The following BPIFB1 variants were observed in gnomAD, a reference collection of about 807,000 sequenced individuals.
BPIFB1 encodes BPI fold-containing family B member 1.
In BPIFB1, 34 loss-of-function variants were observed where a neutral mutation model predicts 55.1. The ratio of observed to expected loss-of-function variants is 0.62; its 90% CI spans 0.47 to 0.82. BPIFB1 has a LOEUF of 0.82. Among genes scored for constraint, BPIFB1 ranks in the 40% least tolerant of loss-of-function variants. The pLI, the probability that BPIFB1 is intolerant of heterozygous loss-of-function variation, is 0.00. For synonymous variants in BPIFB1, 236 were observed against 245.3 expected (o/e 0.96, Z 0.35); for missense variants, 532 against 593.1 (o/e 0.90, Z 1.07).
At chr20:33,305,444 A>G (rs1305435699) in intron 13 of BPIFB1, among the ~76,000 whole-genome samples, 2 of 150,120 alleles carry the variant, frequency 1.3e-5, no homozygotes, top group Non-Finnish European at 2.9e-5. Flanking sequence ...CAGCCTCCTG[A>G]GTAGCTGGGA....
intron 2 of BPIFB1, among the ~76,000 whole-genome samples, chr20:33,288,466 G>A (rs1055509075): frequency 6.6e-6 from 1 of 152,148 alleles, no homozygotes; most frequent in Non-Finnish European, 1.5e-5. Flanking sequence ...TGCAGTGGCC[G>A]ACACTCCCCA....
At chr20:33,300,048 G>A (rs928878058) in intron 8 of BPIFB1, 64 bp downstream of exon 8, 2 of 1,416,034 alleles carry the variant, frequency 1.4e-6, no homozygotes, top group Non-Finnish European at 2.0e-6. Context: ...ACCACCAGGA[G>A]TCAGATAGCA....
Position 33,288,799 on chromosome 20 carries a change from G to T in BPIFB1, c.174G>T (p.Leu58=). ...CCAGCATCCTGCAGCAGCTGCCGCT[G>T]CTCAGTGCCATGCGGGAAAAGCCAG... The part of the protein sequence containing the change: ...NATSILQQLP[L]LSAMREKPAG... The change falls in exon 3 of 16, where the codon CTG becomes CTT. Residue 58 remains leucine (L), a synonymous_variant. Coordinates refer to ENST00000253354, the MANE Select transcript of BPIFB1 (RefSeq NM_033197.3). The T allele has an allele frequency of 6.2e-7, 1 of 1,614,000 alleles. No individual in the cohort carries two copies. The highest frequency in any genetic ancestry group is 1.1e-5 in the South Asian group (1 of 91,080).
At chr20:33,286,436 G>T (rs1292673610) in intron 2 of BPIFB1, among the ~76,000 whole-genome samples, 2 of 152,220 alleles carry the variant, frequency 1.3e-5, no homozygotes, top group African/African-American at 2.4e-5. Flanking sequence ...TGCAGAAGGG[G>T]CATGCAGCCA....
intron 8 of BPIFB1, among the ~76,000 whole-genome samples, 179 bp downstream of exon 8, chr20:33,300,163 G>GT (rs1411020459): frequency 6.6e-6 from 1 of 152,102 alleles, no homozygotes; most frequent in Non-Finnish European, 1.5e-5. Flanking sequence ...GTTTTGTTTT[G>GT]TTTTTTTGAG....
Position 33,301,310 on chromosome 20 carries a change from G to A in BPIFB1, c.825G>A (p.Leu275=). 2 of 1,614,200 alleles carry A rather than the reference G, an allele frequency of 1.2e-6. No homozygotes were observed. Among genetic ancestry groups the A allele is most frequent in the Non-Finnish European group, 1.7e-6 (2 of 1,180,034 alleles). Residue 275 remains leucine (L), a synonymous_variant, in exon 9 of 16, where the codon CTG becomes CTA. Transcript: ENST00000253354. The stretch of plus-strand genomic sequence containing the variant: ...CAGCTTCCCTGACAATGCCCACCCT[G>A]GACAACATCCCGTTCAGCCTCATCG... ...NSAASLTMPT[L]DNIPFSLIVS...
Position 33,288,736 on chromosome 20 carries a change from T to G in BPIFB1, c.116-5T>G, listed in dbSNP as rs776871760. On this transcript the variant is annotated splice_polypyrimidine_tract_variant and splice_region_variant and intron_variant, in intron 2 of 15. Coordinates refer to ENST00000253354, the MANE Select transcript of BPIFB1 (RefSeq NM_033197.3). ...TGGGCCCTAATCCCTGGGGTCTGCCTCCAGAGCTGACACAGGAGCTGAAGG... is the reference window on the plus strand; with the variant it reads ...TGGGCCCTAATCCCTGGGGTCTGCCGCCAGAGCTGACACAGGAGCTGAAGG... 3.7e-6 allele frequency: 6 copies of G among 1,613,150 alleles called. No individual in the cohort carries two copies. In the African/African-American group the frequency reaches 6.7e-5, roughly 18 times the overall value.
At chr20:33,289,100 G>T (rs1980366115) in intron 3 of BPIFB1, among the ~76,000 whole-genome samples, 1 of 152,184 alleles carries the variant, frequency 6.6e-6, no homozygotes, top group African/African-American at 2.4e-5. Flanking sequence ...CCAGAGCAAG[G>T]CCAGGGACGG....
chr20:33,290,092 C>T (rs1884885), intron 4 of BPIFB1, 100 bp downstream of exon 4: 153,380 of 921,234 alleles, frequency 0.17, 14,962 homozygotes, highest in Admixed American at 0.34. Context: ...AAGAGAGTTC[C>T]GAGCAGAGAG....
chr20:33,297,981 C>G (rs1192896014), intron 7 of BPIFB1, among the ~76,000 whole-genome samples: 1 of 152,128 alleles, frequency 6.6e-6, no homozygotes, highest in Non-Finnish European at 1.5e-5. Context: ...AAGTTCTGGG[C>G]ACATAGCAGG....
chr20:33,295,680 G>GAA lies in BPIFB1; in HGVS notation c.598-1844_598-1843insAA, dbSNP rs1319391594. Among the ~76,000 whole-genome samples, 447 of 147,108 alleles carry GAA rather than the reference G, an allele frequency of 3.0e-3. 6 individuals are homozygous for GAA. The highest frequency in any genetic ancestry group is 0.01 in the Middle Eastern group (3 of 288). On this transcript the variant is annotated intron_variant, in intron 6 of 15. Coordinates refer to ENST00000253354, the MANE Select transcript of BPIFB1 (RefSeq NM_033197.3). The stretch of plus-strand genomic sequence containing the variant: ...AGAAAGAGAGAAAGAAAGAAAGAAA[G>GAA]AGAGAAAAAAAGGGAGAAAAGGAAG...
At chr20:33,287,725 C>A (rs1024651274) in intron 2 of BPIFB1, among the ~76,000 whole-genome samples, 1 of 152,134 alleles carries the variant, frequency 6.6e-6, no homozygotes, top group African/African-American at 2.4e-5. Flanking sequence ...TGGGAAGCTG[C>A]CCCTGGAGGA....
intron 14 of BPIFB1, 86 bp from the exon 15 acceptor site, chr20:33,306,825 G>T (rs1981043216): frequency 8.9e-7 from 1 of 1,128,986 alleles, no homozygotes; most frequent in East Asian, 2.3e-5. Context: ...CCAGGCCGGG[G>T]CTCCCCTTCA....
chr20:33,301,738 A>AC (rs1437439198), intron 9 of BPIFB1, among the ~76,000 whole-genome samples: 5 of 152,328 alleles, frequency 3.3e-5, no homozygotes, highest in Admixed American at 6.5e-5. Context: ...TAGTCCAGGG[A>AC]TGGCGACTGT....
chr20:33,308,097 AT>A (rs1449620570), intron 15 of BPIFB1: 1 of 152,206 alleles, frequency 6.6e-6, no homozygotes, highest in Non-Finnish European at 1.5e-5. Flanking sequence ...AAGACTGCAC[AT>A]CACATGGCCC....
chr20:33,302,719 C>T (rs1238850936), intron 10 of BPIFB1, 197 bp from the exon 11 acceptor site: 5 of 667,028 alleles, frequency 7.5e-6, no homozygotes, highest in Non-Finnish European at 1.3e-5. Context: ...GCATTCCAGA[C>T]AGAGGGAACA....
intron 15 of BPIFB1, among the ~76,000 whole-genome samples, chr20:33,308,438 G>GCA (rs567038224): frequency 6.6e-6 from 1 of 150,938 alleles, no homozygotes; most frequent in East Asian, 1.9e-4. Flanking sequence ...ATGCATGCAT[G>GCA]CACACACACA....
At chr20:33,306,845 A>G in intron 14 of BPIFB1, 66 bp from the exon 15 acceptor site, 3 of 1,389,602 alleles carry the variant, frequency 2.2e-6, no homozygotes, top group Non-Finnish European at 3.1e-6. Flanking sequence ...AGGAACCCTG[A>G]GCCTGCCCCT....
chr20:33,292,303 G>A (rs1168704781), intron 6 of BPIFB1, among the ~76,000 whole-genome samples: 2 of 152,160 alleles, frequency 1.3e-5, no homozygotes, highest in African/African-American at 4.8e-5. Context: ...GATTTCCCTG[G>A]TGGAAATACT....
Sources: allele counts gnomAD v4.1 joint callset (sites outside exome capture counted in the v4.1 genomes callset), GRCh38; gene constraint gnomAD v4.1.1; transcripts MANE v1.5; gene names NCBI Gene and HGNC (gene_info 2026-07-23, HGNC 2026-07-21).